The following CSNK1G3 variants were observed in gnomAD, a reference collection of about 807,000 sequenced individuals.
CSNK1G3 encodes the protein casein kinase I isoform gamma-3.
CSNK1G3 carries 23 observed loss-of-function variants against 64.3 expected under a neutral mutation model. The ratio of observed to expected loss-of-function variants is 0.36; its 90% CI spans 0.26 to 0.51. The LOEUF (loss-of-function observed/expected upper bound fraction) is 0.51, where lower values mean the gene tolerates loss of function less well. Ranked by LOEUF, CSNK1G3 falls within the 20% of genes least tolerant of loss-of-function variation. The pLI is 0.96. For synonymous variants in CSNK1G3, 158 were observed against 162.2 expected (o/e 0.97, Z 0.20); for missense variants, 357 against 510.5 (o/e 0.70, Z 2.90).
At chr5:123,598,083 T>C (rs1488317068) in intron 10 of CSNK1G3, among the ~76,000 whole-genome samples, 2 of 152,218 alleles carry the variant, frequency 1.3e-5, no homozygotes, top group Admixed American at 6.6e-5. Flanking sequence ...AAGATACAGC[T>C]GTACGTTTGA....
intron 6 of CSNK1G3, among the ~76,000 whole-genome samples, chr5:123,576,229 C>G (rs184176479): frequency 8.6e-5 from 13 of 152,012 alleles, no homozygotes; most frequent in Non-Finnish European, 1.8e-4. Context: ...AACTTTGATA[C>G]AGTTATGGGG....
intron 6 of CSNK1G3, among the ~76,000 whole-genome samples, chr5:123,585,351 A>T (rs1243155574): frequency 6.6e-6 from 1 of 152,168 alleles, no homozygotes; most frequent in African/African-American, 2.4e-5. Flanking sequence ...TGTAGGAACC[A>T]TAACTATAAA....
intron 1 of CSNK1G3, among the ~76,000 whole-genome samples, chr5:123,544,049 TCA>T (rs1312688915): frequency 1.3e-5 from 2 of 152,072 alleles, no homozygotes; most frequent in African/African-American, 4.8e-5. Context: ...TGCAAAAATC[TCA>T]CAGTCCTCCT....
At chr5:123,597,400 A>G (rs1482184337) in intron 10 of CSNK1G3, among the ~76,000 whole-genome samples, 1 of 152,156 alleles carries the variant, frequency 6.6e-6, no homozygotes, top group Non-Finnish European at 1.5e-5. Flanking sequence ...TTGAAATGTG[A>G]CGCAGGTTTA....
chr5:123,614,560 CT>C (rs199591283), exon 13 of CSNK1G3: 29,059 of 399,056 alleles, frequency 0.073, 60 homozygotes, highest in East Asian at 0.086. Flanking sequence ...CATTCTTTTT[CT>C]TTTTTTTTTT....
At chr5:123,571,811 A>G (rs1251260721) in intron 4 of CSNK1G3, among the ~76,000 whole-genome samples, 1 of 152,182 alleles carries the variant, frequency 6.6e-6, no homozygotes, top group East Asian at 1.9e-4. Context: ...TTTGTGGTGG[A>G]AGAAGTTCAT....
In CSNK1G3 at chr5:123,588,407, A is replaced by AT. The variant is rs373005811; in HGVS notation, c.760-10dup. Reference sequence around the variant, plus strand: ...ATTTTTAAATTACCACATTCTCAAGATTTTTTTTTTCTGTTTTAGGCTGAC... The same window carrying AT: ...ATTTTTAAATTACCACATTCTCAAGATTTTTTTTTTTCTGTTTTAGGCTGAC... On this transcript the variant is annotated intron_variant, in intron 7 of 12. Transcript: ENST00000345990. 3,638 of 1,486,326 alleles carry AT rather than the reference A, an allele frequency of 2.4e-3. No individual in the cohort carries two copies. The highest frequency in any genetic ancestry group is 2.9e-3 in the Non-Finnish European group (3,146 of 1,074,652). The allele number at this position is 1,486,326 out of a possible 1,614,324, so 92.1% of individuals were successfully genotyped here.
intron 8 of CSNK1G3, 37 bp from the exon 9 acceptor site, chr5:123,590,368 TAAAGA>T (rs768395117): frequency 1.2e-5 from 13 of 1,049,946 alleles, no homozygotes; most frequent in Middle Eastern, 2.8e-4. Context: ...TACTGAGTAT[TAAAGA>T]AAAGTATAGT....
chr5:123,611,356 G>T (rs1421748415), intron 12 of CSNK1G3, among the ~76,000 whole-genome samples: 3 of 152,094 alleles, frequency 2.0e-5, no homozygotes, highest in Non-Finnish European at 4.4e-5. Context: ...TTATAAGGAC[G>T]TTCTTTATTT....
intron 4 of CSNK1G3, among the ~76,000 whole-genome samples, chr5:123,562,596 C>T (rs962848602): frequency 4.6e-5 from 7 of 151,726 alleles, no homozygotes; most frequent in East Asian, 1.9e-4. Flanking sequence ...ACAAAATTGT[C>T]GTATTATTAA....
intron 12 of CSNK1G3, among the ~76,000 whole-genome samples, chr5:123,606,299 G>A (rs1023789516): frequency 6.6e-6 from 1 of 152,060 alleles, no homozygotes; most frequent in East Asian, 1.9e-4. Flanking sequence ...AAATAAATCC[G>A]TGAAAGTATA....
chr5:123,514,858 G>T (rs192932227), intron 1 of CSNK1G3, among the ~76,000 whole-genome samples: 2 of 152,140 alleles, frequency 1.3e-5, no homozygotes, highest in African/African-American at 4.8e-5. Context: ...TGGAGATCAG[G>T]CCATGGAAGT....
Position 123,573,910 on chromosome 5 carries a change from C to T in CSNK1G3, c.438+369C>T, listed in dbSNP as rs181257233. Among the ~76,000 whole-genome samples the T allele has an allele frequency of 4.3e-3, 634 of 146,438 alleles. 4 individuals are homozygous for T. The highest frequency in any genetic ancestry group is 3.8e-3 in the Non-Finnish European group (254 of 67,272). On this transcript the variant is annotated intron_variant, in intron 5 of 12. Coordinates refer to ENST00000345990, the Ensembl canonical transcript of CSNK1G3. ...TGTTGTCCAGGGCGGAGAGCGGTGG[C>T]GAGATCTTGGCTCACTGCAACCTCT... is the stretch of plus-strand genomic sequence containing the variant.
At chr5:123,558,109 T>G (rs547683792) in intron 4 of CSNK1G3, among the ~76,000 whole-genome samples, 8 of 152,172 alleles carry the variant, frequency 5.3e-5, no homozygotes, top group Non-Finnish European at 1.0e-4. Context: ...TCTAGTACTT[T>G]CGCCTAGAGT....
chr5:123,516,289 C>G (rs1304591623), intron 1 of CSNK1G3, among the ~76,000 whole-genome samples: 2 of 152,078 alleles, frequency 1.3e-5, no homozygotes, highest in Non-Finnish European at 1.5e-5. Context: ...TGCTTGGATT[C>G]TTAATGTGTA....
At chr5:123,523,957 C>G (rs1778591450) in intron 1 of CSNK1G3, among the ~76,000 whole-genome samples, 1 of 152,168 alleles carries the variant, frequency 6.6e-6, no homozygotes, top group Admixed American at 6.5e-5. Flanking sequence ...ATGGTGTATA[C>G]CCACTGTATC....
At chr5:123,553,420 A>G (rs923450495) in intron 3 of CSNK1G3, among the ~76,000 whole-genome samples, 8 of 152,116 alleles carry the variant, frequency 5.3e-5, no homozygotes, top group African/African-American at 1.9e-4. Context: ...CCCTATTTTT[A>G]ATTTAGGGAA....
intron 1 of CSNK1G3, among the ~76,000 whole-genome samples, chr5:123,525,491 AC>A (rs1778895062): frequency 6.6e-6 from 1 of 151,304 alleles, no homozygotes; most frequent in South Asian, 2.1e-4. Context: ...TTGTATTTTC[AC>A]CATGTTGACC....
chr5:123,554,589 A>G (rs1324153619), intron 3 of CSNK1G3, among the ~76,000 whole-genome samples: 1 of 152,228 alleles, frequency 6.6e-6, no homozygotes. Flanking sequence ...GGCCTCCCAA[A>G]GTGCTGGGAT....
Sources: gnomAD v4.1 joint callset for allele counts (sites outside exome capture counted in the v4.1 genomes callset) on GRCh38, gnomAD v4.1.1 for gene constraint, MANE v1.5 for transcripts, NCBI Gene and HGNC (gene_info 2026-07-23, HGNC 2026-07-21) for gene names.